The following PCDH9 variants were observed in gnomAD, a reference collection of about 807,000 sequenced individuals.
PCDH9 encodes the protein protocadherin 9.
A neutral mutation model predicts 70.6 loss-of-function variants in PCDH9; 24 were observed. That is an observed-to-expected ratio of 0.34 (90% CI 0.25 to 0.48). The LOEUF (loss-of-function observed/expected upper bound fraction) is 0.48, where lower values mean the gene tolerates loss of function less well. PCDH9 is among the 20% of genes least tolerant of loss of function. PCDH9 has a pLI of 0.99. For synonymous variants in PCDH9, 562 were observed against 558.5 expected (o/e 1.01, Z -0.09); for missense variants, 1,281 against 1,503.6 (o/e 0.85, Z 2.45).
At chr13:66,414,693 A>G (rs919317026) in intron 4 of PCDH9, among the ~76,000 whole-genome samples, 18 of 152,200 alleles carry the variant, frequency 1.2e-4, no homozygotes, top group African/African-American at 3.4e-4. Context: ...TTTCTGAGAG[A>G]TAAGACTTGC....
intron 2 of PCDH9, among the ~76,000 whole-genome samples, chr13:66,982,773 G>T (rs1018853141): frequency 6.6e-6 from 1 of 152,058 alleles, no homozygotes; most frequent in African/African-American, 2.4e-5. Flanking sequence ...ACAACACCTG[G>T]ATTCTTCAAT....
chr13:66,319,217 A>C (rs552438957), intron 4 of PCDH9, among the ~76,000 whole-genome samples: 66 of 152,166 alleles, frequency 4.3e-4, no homozygotes, highest in African/African-American at 1.5e-3. Context: ...AAAACTCACT[A>C]TCATGGCAAT....
At chr13:66,934,708 C>CTTTTTT (rs1158291293) in intron 2 of PCDH9, among the ~76,000 whole-genome samples, 7 of 47,332 alleles carry the variant, frequency 1.5e-4, no homozygotes, top group Non-Finnish European at 2.6e-4. Context: ...CATGTGTTTG[C>CTTTTTT]TTTTTTTTTT....
chr13:66,704,656 G>T (rs997342622), intron 3 of PCDH9, among the ~76,000 whole-genome samples: 2 of 152,056 alleles, frequency 1.3e-5, no homozygotes, highest in Non-Finnish European at 2.9e-5. Flanking sequence ...CAATGGAAAT[G>T]GTGTCAGGAA....
chr13:67,185,811 C>T (rs922185941), intron 2 of PCDH9, among the ~76,000 whole-genome samples: 1 of 152,218 alleles, frequency 6.6e-6, no homozygotes, highest in Non-Finnish European at 1.5e-5. Context: ...CAGCTCACTG[C>T]AATCTCCGCC....
intron 4 of PCDH9, among the ~76,000 whole-genome samples, chr13:66,418,162 C>T (rs1957494494): frequency 6.6e-6 from 1 of 152,110 alleles, no homozygotes; most frequent in Non-Finnish European, 1.5e-5. Context: ...AATTTTTAAT[C>T]CATGTTGAGT....
At chr13:67,170,119 A>G (rs2088238596) in intron 2 of PCDH9, among the ~76,000 whole-genome samples, 1 of 152,216 alleles carries the variant, frequency 6.6e-6, no homozygotes, top group Non-Finnish European at 1.5e-5. Context: ...TATTATTCAC[A>G]GGTATCAGTG....
chr13:66,733,010 A>G (rs183442356), intron 3 of PCDH9, among the ~76,000 whole-genome samples: 91 of 152,188 alleles, frequency 6.0e-4, no homozygotes, highest in African/African-American at 2.1e-3. Flanking sequence ...TTAAGCATAT[A>G]TGTTTATATT....
chr13:66,598,732 G>A lies in PCDH9; in HGVS notation c.3340+32478C>T, dbSNP rs911604690. 5.7e-4 allele frequency among the ~76,000 whole-genome samples: 87 copies of A among 151,822 alleles called. 1 individual carries two copies. Among genetic ancestry groups the A allele is most frequent in the Non-Finnish European group, 2.4e-4 (16 of 67,862 alleles). Reference sequence around the variant, plus strand: ...TGTGCTAGCTTAAACAACTAGGGGTGTATTCATAAATTTAATATGTGTTTT... The same window carrying A: ...TGTGCTAGCTTAAACAACTAGGGGTATATTCATAAATTTAATATGTGTTTT... On this transcript the variant is annotated intron_variant, in intron 4 of 4. Coordinates refer to ENST00000377865, the MANE Select transcript of PCDH9 (RefSeq NM_203487.3).
chr13:67,080,204 A>G (rs1040605514), intron 2 of PCDH9, among the ~76,000 whole-genome samples: 1 of 152,174 alleles, frequency 6.6e-6, no homozygotes, highest in Non-Finnish European at 1.5e-5. Context: ...GGATTTTTCT[A>G]TTATCAAATG....
chr13:66,681,107 CAACTT>C (rs1439455315), intron 3 of PCDH9, among the ~76,000 whole-genome samples: 32 of 152,134 alleles, frequency 2.1e-4, no homozygotes, highest in Non-Finnish European at 4.4e-4. Context: ...AAGTTACAGA[CAACTT>C]AACCCAAACA....
intron 4 of PCDH9, among the ~76,000 whole-genome samples, chr13:66,585,207 T>C (rs958155271): frequency 6.6e-6 from 1 of 152,158 alleles, no homozygotes; most frequent in East Asian, 1.9e-4. Flanking sequence ...ATTAAATGCA[T>C]ATATGCATTA....
chr13:67,138,672 C>A (rs1187856181), intron 2 of PCDH9, among the ~76,000 whole-genome samples: 1 of 152,198 alleles, frequency 6.6e-6, no homozygotes, highest in African/African-American at 2.4e-5. Context: ...ATGCTCAGGC[C>A]TGCGCCCGCA....
chr13:66,559,817 A>AATATATATAT (rs1555306267), intron 4 of PCDH9, among the ~76,000 whole-genome samples: 5 of 93,104 alleles, frequency 5.4e-5, no homozygotes, highest in African/African-American at 2.2e-4. Flanking sequence ...AAAAAAAAAA[A>AATATATATAT]ATATATATAT....
intron 4 of PCDH9, among the ~76,000 whole-genome samples, chr13:66,318,292 A>G (rs1955690455): frequency 6.6e-6 from 1 of 152,100 alleles, no homozygotes; most frequent in Non-Finnish European, 1.5e-5. Flanking sequence ...CTGCTCTGTT[A>G]TTGCCAATCA....
At chr13:67,094,723 A>G (rs140121273) in intron 2 of PCDH9, among the ~76,000 whole-genome samples, 4 of 151,990 alleles carry the variant, frequency 2.6e-5, no homozygotes, top group African/African-American at 7.2e-5. Context: ...TTTTCAAAAG[A>G]AGTATAATGT....
chr13:66,407,729 T>C (rs1344093524), intron 4 of PCDH9, among the ~76,000 whole-genome samples: 3 of 152,172 alleles, frequency 2.0e-5, no homozygotes, highest in African/African-American at 7.2e-5. Flanking sequence ...GCATTTAACA[T>C]AAAGAACTGT....
At chr13:67,050,412 A>G (rs2085299336) in intron 2 of PCDH9, among the ~76,000 whole-genome samples, 1 of 152,182 alleles carries the variant, frequency 6.6e-6, no homozygotes, top group Admixed American at 6.5e-5. Context: ...ATTTTTGTCT[A>G]TTCTAAGAAT....
At chr13:67,102,110 T>C (rs1156632962) in intron 2 of PCDH9, among the ~76,000 whole-genome samples, 1 of 152,140 alleles carries the variant, frequency 6.6e-6, no homozygotes, top group Non-Finnish European at 1.5e-5. Flanking sequence ...TACATTAAAA[T>C]ATCAGAAAAT....
Sources: allele counts gnomAD v4.1 joint callset (sites outside exome capture counted in the v4.1 genomes callset), GRCh38; gene constraint gnomAD v4.1.1; transcripts MANE v1.5; gene names NCBI Gene and HGNC (gene_info 2026-07-23, HGNC 2026-07-21).